Variants in CST8 observed in about 807,000 individuals in gnomAD.
The protein encoded by CST8 is cystatin-8.
A neutral mutation model predicts 11.8 loss-of-function variants in CST8; 20 were observed. That is an observed-to-expected ratio of 1.70 (90% CI 1.20 to 2.47). CST8 has a LOEUF of 2.47. Ranked by LOEUF, CST8 falls within the 30% of genes most tolerant of loss-of-function variation. The pLI is 0.00. For synonymous variants in CST8, 77 were observed against 63.1 expected (o/e 1.22, Z -1.05); for missense variants, 196 against 167.2 (o/e 1.17, Z -0.95).
downstream of CST8, among the ~76,000 whole-genome samples, chr20:23,496,301 G>A (rs1182330316): frequency 1.3e-5 from 2 of 152,124 alleles, no homozygotes; most frequent in African/African-American, 4.8e-5. Context: ...GAGAAATAAA[G>A]GGACAGAGTA....
At chr20:23,506,010 A>G in the CST8 span, among the ~76,000 whole-genome samples, 2 of 143,542 alleles carry the variant, frequency 1.4e-5, no homozygotes, top group East Asian at 2.0e-4. Context: ...TTTTTTTTTT[A>G]CAAAGATCCT....
At chr20:23,493,405 C>A (rs117343619) in intron 3 of CST8, among the ~76,000 whole-genome samples, 5 of 152,218 alleles carry the variant, frequency 3.3e-5, no homozygotes, top group Non-Finnish European at 7.4e-5. Context: ...AAGCCACCCA[C>A]TATTGCTGGG....
In CST8 at chr20:23,491,757, G is replaced by T; in HGVS notation, c.90G>T (p.Gly30=). 7 of 1,614,028 alleles carry T rather than the reference G, an allele frequency of 4.3e-6. No homozygotes were observed. Among genetic ancestry groups the T allele is most frequent in the Non-Finnish European group, 5.9e-6 (7 of 1,179,924 alleles). Residue 30 remains glycine, a synonymous_variant, in exon 2 of 4, where the codon GGG becomes GGT. Coordinates refer to ENST00000246012, the MANE Select transcript of CST8 (RefSeq NM_005492.4). ...ARKDPKKNET[G]VLRKLKPVNA... ...AAGACCCAAAAAAGAATGAGACAGG[G>T]GTGCTGAGGAAATTAAAACCCGTCA...
downstream of CST8, chr20:23,496,082 G>A: frequency 1.7e-6 from 1 of 593,940 alleles, no homozygotes. Flanking sequence ...GCATGTCCAG[G>A]TCCTCTTTGC....
downstream of CST8, among the ~76,000 whole-genome samples, chr20:23,497,973 G>A (rs1401231645): frequency 1.3e-5 from 2 of 151,848 alleles, no homozygotes; most frequent in Non-Finnish European, 2.9e-5. Flanking sequence ...GTTCATGGGT[G>A]TACATGTGTG....
downstream of CST8, among the ~76,000 whole-genome samples, chr20:23,496,426 G>A (rs1391762294): frequency 6.6e-6 from 1 of 152,112 alleles, no homozygotes; most frequent in Non-Finnish European, 1.5e-5. Flanking sequence ...TTTCAAAAGG[G>A]GAGGGAGTGT....
downstream of CST8, among the ~76,000 whole-genome samples, chr20:23,499,723 G>A (rs1190326057): frequency 6.6e-6 from 1 of 152,168 alleles, no homozygotes; most frequent in East Asian, 1.9e-4. Flanking sequence ...TGTCCACCTG[G>A]CGACCAGTCA....
the CST8 span, among the ~76,000 whole-genome samples, chr20:23,501,242 T>C: frequency 2.6e-5 from 4 of 152,206 alleles, no homozygotes; most frequent in East Asian, 1.9e-4. Context: ...CTCCTTCAGA[T>C]AGTATCGCCC....
the CST8 span, among the ~76,000 whole-genome samples, chr20:23,501,436 C>A: frequency 6.6e-6 from 1 of 152,256 alleles, no homozygotes; most frequent in East Asian, 1.9e-4. Flanking sequence ...CCTTCCCTCC[C>A]TCCCTCTGCC....
At chr20:23,495,775 CT>C (rs11482296) in intron 3 of CST8, 55 bp from the exon 4 acceptor site, 85,836 of 901,650 alleles carry the variant, frequency 0.095, 195 homozygotes, top group East Asian at 0.12. Flanking sequence ...TTTTTCTTTT[CT>C]TTTTTTTTTT....
intron 3 of CST8, among the ~76,000 whole-genome samples, chr20:23,494,240 C>T (rs553157302): frequency 1.1e-4 from 16 of 152,166 alleles, no homozygotes; most frequent in South Asian, 6.2e-4. Context: ...TATTTTCTCC[C>T]GGGCTTTTAG....
chr20:23,507,088 A>T, the CST8 span, among the ~76,000 whole-genome samples: 2 of 151,466 alleles, frequency 1.3e-5, no homozygotes, highest in East Asian at 3.9e-4. Context: ...AATACATTTC[A>T]CTCCCACCTG....
rs1322605903 is a variant in CST8, at chr20:23,491,535, G to A, written c.-133G>A. 9.9e-6 allele frequency: 7 copies of A among 709,302 alleles called. No individual in the cohort carries two copies. The highest frequency in any genetic ancestry group is 2.5e-5 in the East Asian group (1 of 39,872). 43.9% of individuals were successfully genotyped at this position (709,302 alleles called of 1,614,324 possible). ...CTGTCTTGAATCCAGCTGGGCTGACGCTAACAGGAGGCAGTGTGTGGCTCG... is the reference window on the plus strand; with the variant it reads ...CTGTCTTGAATCCAGCTGGGCTGACACTAACAGGAGGCAGTGTGTGGCTCG... On this transcript the variant is annotated 5_prime_UTR_variant, in exon 2 of 4. Coordinates refer to ENST00000246012, the MANE Select transcript of CST8 (RefSeq NM_005492.4).
chr20:23,491,583 C>A lies in CST8; in HGVS notation c.-85C>A. On this transcript the variant is annotated 5_prime_UTR_variant, in exon 2 of 4. Transcript: ENST00000246012. The stretch of plus-strand genomic sequence containing the variant: ...TCGAAGATTCTTGAACCCACAGCAG[C>A]AGCTGCGGCCACCCCATCCTGCCCA... 1 of 1,007,804 alleles carries A rather than the reference C, an allele frequency of 9.9e-7. No homozygotes were observed. The highest frequency in any genetic ancestry group is 1.5e-6 in the Non-Finnish European group (1 of 651,592). The allele number at this position is 1,007,804 out of a possible 1,614,324, so 62.4% of individuals were successfully genotyped here.
chr20:23,499,594 G>T (rs1988135297), downstream of CST8, among the ~76,000 whole-genome samples: 1 of 152,230 alleles, frequency 6.6e-6, no homozygotes, highest in Admixed American at 6.5e-5. Flanking sequence ...AGACCATGGA[G>T]CTGGAGGGGA....
At chr20:23,504,122 T>C in the CST8 span, among the ~76,000 whole-genome samples, 1 of 152,200 alleles carries the variant, frequency 6.6e-6, no homozygotes, top group Non-Finnish European at 1.5e-5. Context: ...CAGAGGGGCA[T>C]TGAAATGTGA....
chr20:23,495,775 C>CT (rs11482296), intron 3 of CST8, 56 bp from the exon 4 acceptor site: 84,595 of 918,744 alleles, frequency 0.092, 3,195 homozygotes, highest in African/African-American at 0.32. Context: ...TTTTTCTTTT[C>CT]TTTTTTTTTT....
the CST8 span, among the ~76,000 whole-genome samples, chr20:23,505,307 G>A: frequency 6.6e-6 from 1 of 151,930 alleles, no homozygotes; most frequent in African/African-American, 2.4e-5. Flanking sequence ...ACCATGGCCG[G>A]CTAACTTTTT....
chr20:23,502,930 C>T, the CST8 span, among the ~76,000 whole-genome samples: 2 of 152,064 alleles, frequency 1.3e-5, no homozygotes, highest in Admixed American at 1.3e-4. Context: ...ATTTACCAAT[C>T]TAGGGGTTGG....
Sources: allele counts gnomAD v4.1 joint callset (sites outside exome capture counted in the v4.1 genomes callset), GRCh38; gene constraint gnomAD v4.1.1; transcripts MANE v1.5; gene names NCBI Gene and HGNC (gene_info 2026-07-23, HGNC 2026-07-21).